Variants in UBB observed in about 807,000 individuals in gnomAD.
UBB encodes polyubiquitin-B.
In UBB, 11 loss-of-function variants were observed where a neutral mutation model predicts 12.5. The observed-to-expected ratio is 0.88, with a 90% CI of 0.55 to 1.45. UBB has a LOEUF of 1.45. Ranked by LOEUF, UBB falls within the 40% of genes most tolerant of loss-of-function variation. The pLI is 0.00. For missense variants in UBB, 76 were observed against 286.9 expected (o/e 0.26, Z 5.31); for synonymous variants, 168 against 120.1 (o/e 1.40, Z -2.61).
chr17:16,382,649 T>TATAG lies in UBB; in HGVS notation c.*53_*54insTAGA. ...CCAGTGATGGCATTACTCTGCACTA[T>TATAG]AGCCATTTGCCCCAACTTAAGTTTA... On this transcript the variant is annotated 3_prime_UTR_variant, in exon 2 of 2. Coordinates refer to ENST00000302182, the MANE Select transcript of UBB (RefSeq NM_018955.4). 2 of 1,594,414 alleles carry TATAG rather than the reference T, an allele frequency of 1.3e-6. No homozygotes were observed. The highest frequency in any genetic ancestry group is 1.7e-6 in the Non-Finnish European group (2 of 1,168,326).
At chr17:16,381,770 G>T in intron 1 of UBB, 132 bp from the exon 2 acceptor site, 1 of 1,191,484 alleles carries the variant, frequency 8.4e-7, no homozygotes, top group Non-Finnish European at 1.2e-6. Flanking sequence ...AAAATTGAGG[G>T]GAGGCTTGCG....
At chr17:16,381,696 G>A in intron 1 of UBB, 1 of 708,998 alleles carries the variant, frequency 1.4e-6, no homozygotes, top group Non-Finnish European at 2.3e-6. Flanking sequence ...GAGCGCTCTG[G>A]ATTTTCCGCT....
intron 1 of UBB, chr17:16,381,629 G>C: frequency 4.0e-6 from 2 of 500,132 alleles, no homozygotes; most frequent in East Asian, 7.6e-5. Flanking sequence ...GAGTTCGGTC[G>C]GGGGAGTTTG....
Position 16,382,426 on chromosome 17 carries a change from C to T in UBB, c.519C>T (p.Asp173=). 1.2e-5 allele frequency: 20 copies of T among 1,611,592 alleles called. No individual in the cohort carries two copies. Among genetic ancestry groups the T allele is most frequent in the Non-Finnish European group, 1.6e-5 (19 of 1,179,604 alleles). The change falls in exon 2 of 2, where the codon GAC becomes GAT. Residue 173 remains aspartate (D), a synonymous_variant. Coordinates refer to ENST00000302182, the MANE Select transcript of UBB (RefSeq NM_018955.4). ...KTITLEVEPS[D]TIENVKAKIQ... ...TCACTCTGGAGGTGGAGCCCAGTGA[C>T]ACCATCGAAAATGTGAAGGCCAAGA...
At chr17:16,381,833 A>T (rs2093276540) in intron 1 of UBB, 69 bp from the exon 2 acceptor site, 1 of 1,546,624 alleles carries the variant, frequency 6.5e-7, no homozygotes, top group Admixed American at 2.0e-5. Context: ...ATTTTGAAGA[A>T]TATTAGGTGT....
rs2142926019 is a variant in UBB at position 16,382,267 on chromosome 17, C to T, written c.360C>T (p.Ile120=). The T allele has an allele frequency of 6.2e-7, 1 of 1,610,176 alleles. No individual in the cohort carries two copies. The highest frequency in any genetic ancestry group is 8.5e-7 in the Non-Finnish European group (1 of 1,179,310). Residue 120 remains isoleucine (I), a synonymous_variant, in exon 2 of 2, where the codon ATC becomes ATT. Transcript: ENST00000302182. ...TCCCTCCCGACCAGCAGAGGCTCAT[C>T]TTTGCAGGCAAGCAGCTGGAAGATG... is the stretch of plus-strand genomic sequence containing the variant. ...EGIPPDQQRL[I]FAGKQLEDGR...
rs2093277010 is a variant in UBB, at chr17:16,381,924, A to G, written c.17A>G (p.Lys6Arg). 1 of 1,614,124 alleles carries G rather than the reference A, an allele frequency of 6.2e-7. No homozygotes were observed. The highest frequency in any genetic ancestry group is 1.3e-5 in the African/African-American group (1 of 74,942). MQIFV[K>R]TLTGKTITLE... ...TAGGTCAAAATGCAGATCTTCGTGA[A>G]AACCCTTACCGGCAAGACCATCACC... Residue 6 changes from lysine (K) to arginine (R), a missense_variant, in exon 2 of 2, where the codon AAA becomes AGA. Physicochemically the swap from Lys to Arg is conservative, Grantham distance 26. Transcript: ENST00000302182.
At position 16,382,447 on chromosome 17, in the gene UBB, C is replaced by T. The variant is rs1189927878; in HGVS notation, c.540C>T (p.Ala180=). 5 of 1,611,230 alleles carry T rather than the reference C, an allele frequency of 3.1e-6. No individual in the cohort carries two copies. The highest frequency in any genetic ancestry group is 1.4e-5 in the African/African-American group (1 of 73,976). The change falls in exon 2 of 2, where the codon GCC becomes GCT. Residue 180 remains alanine (A), a synonymous_variant. Coordinates refer to ENST00000302182, the MANE Select transcript of UBB (RefSeq NM_018955.4). The stretch of plus-strand genomic sequence containing the variant: ...GTGACACCATCGAAAATGTGAAGGC[C>T]AAGATCCAAGATAAAGAAGGCATCC... The part of the protein sequence containing the change: ...EPSDTIENVK[A]KIQDKEGIPP...
In UBB at chr17:16,381,123, T is replaced by A. The variant is rs1443131116; in HGVS notation, c.-68T>A. 4 of 150,520 alleles carry A rather than the reference T, an allele frequency of 2.7e-5. No individual in the cohort carries two copies. Among genetic ancestry groups the A allele is most frequent in the Non-Finnish European group, 4.4e-5 (3 of 67,716 alleles). The allele number at this position is 150,520 out of a possible 1,614,324, so 9.3% of individuals were successfully genotyped here. A position where few individuals can be genotyped will look rare whatever the true frequency, so the allele number is the denominator to read the frequency against. On this transcript the variant is annotated 5_prime_UTR_variant, in exon 1 of 2. Transcript: ENST00000302182. ...GGCGGTTGGCTTTGTTGGGTGAGCT[T>A]GTTTGTGTCCCTGTGGGTGGACGTG... is the stretch of plus-strand genomic sequence containing the variant.
upstream of UBB, chr17:16,380,866 T>C (rs543344736): frequency 6.5e-6 from 1 of 153,716 alleles, no homozygotes; most frequent in South Asian, 2.1e-4. Context: ...TCTTATATTT[T>C]CCTAAAGAAG....
chr17:16,382,348 G>T lies in UBB; in HGVS notation c.441G>T (p.Leu147=), dbSNP rs370468040. 6.2e-7 allele frequency: 1 copy of T among 1,604,542 alleles called. No homozygotes were observed. Among genetic ancestry groups the T allele is most frequent in the Admixed American group, 1.7e-5 (1 of 58,746 alleles). ...AGGAGTCGACCCTGCACCTGGTCCT[G>T]CGTCTGAGAGGTGGTATGCAGATCT... ...IQKESTLHLV[L]RLRGGMQIFV... Residue 147 remains leucine, a synonymous_variant, in exon 2 of 2, where the codon CTG becomes CTT. Transcript: ENST00000302182.
Position 16,381,111 on chromosome 17 carries a change from G to C in UBB, c.-80G>C, listed in dbSNP as rs1180191069. 1 of 152,710 alleles carries C rather than the reference G, an allele frequency of 6.5e-6. No homozygotes were observed. Among genetic ancestry groups the C allele is most frequent in the Non-Finnish European group, 1.5e-5 (1 of 68,126 alleles). 9.5% of individuals were successfully genotyped at this position (152,710 alleles called of 1,614,324 possible). ...GGAGCATTTAGGGGCGGTTGGCTTT[G>C]TTGGGTGAGCTTGTTTGTGTCCCTG... On this transcript the variant is annotated 5_prime_UTR_variant, in exon 1 of 2. Coordinates refer to ENST00000302182, the MANE Select transcript of UBB (RefSeq NM_018955.4).
upstream of UBB, chr17:16,380,931 G>A (rs2093272429): frequency 6.5e-6 from 1 of 153,694 alleles, no homozygotes; most frequent in Admixed American, 6.5e-5. Context: ...CTTTCTTACG[G>A]CTATGAGGAA....
rs2142924803 is a variant in UBB, at chr17:16,381,916, CT to C, written c.11del (p.Phe4SerfsTer2). 1 of 1,614,188 alleles carries C rather than the reference CT, an allele frequency of 6.2e-7. No homozygotes were observed. The highest frequency in any genetic ancestry group is 2.2e-5 in the East Asian group (1 of 44,892). MQI[F>X]VKTLTGKTIT... ...TTTTAAACTAGGTCAAAATGCAGAT[CT>C]TCGTGAAAACCCTTACCGGCAAGAC... On this transcript the variant is annotated frameshift_variant, in exon 2 of 2. Transcript: ENST00000302182. LOFTEE classifies it high-confidence loss of function.
chr17:16,381,790 C>T (rs374084685), intron 1 of UBB, 112 bp from the exon 2 acceptor site: 9 of 1,318,984 alleles, frequency 6.8e-6, no homozygotes, highest in Non-Finnish European at 8.2e-6. Flanking sequence ...GGAATATTAA[C>T]GTATTTAAGG....
chr17:16,381,787 T>C (rs1045607384), intron 1 of UBB, 115 bp from the exon 2 acceptor site: 85 of 1,307,482 alleles, frequency 6.5e-5, no homozygotes, highest in Non-Finnish European at 8.0e-5. Context: ...TGCGGAATAT[T>C]AACGTATTTA....
At chr17:16,381,019 A>T (rs2093272700), upstream of UBB, 1 of 153,302 alleles carries the variant, frequency 6.5e-6, no homozygotes, top group African/African-American at 2.4e-5. Flanking sequence ...GCGCACGGAG[A>T]CGGCGTCTAC....
At chr17:16,381,780 G>T in intron 1 of UBB, 122 bp from the exon 2 acceptor site, 1 of 1,270,142 alleles carries the variant, frequency 7.9e-7, no homozygotes, top group African/African-American at 1.5e-5. Flanking sequence ...GGAGGCTTGC[G>T]GAATATTAAC....
Position 16,382,392 on chromosome 17 carries a change from G to C in UBB, c.485G>C (p.Gly162Ala). ...CAGATCTTCGTGAAGACCCTGACCG[G>C]CAAGACCATCACTCTGGAGGTGGAG... ...GMQIFVKTLTGKTITLEVEPS... is the reference protein window; with the variant it reads ...GMQIFVKTLTAKTITLEVEPS... The change falls in exon 2 of 2, where the codon GGC becomes GCC. Residue 162 changes from glycine to alanine, a missense_variant. Transcript: ENST00000302182. 1 of 1,610,306 alleles carries C rather than the reference G, an allele frequency of 6.2e-7. No homozygotes were observed. Among genetic ancestry groups the C allele is most frequent in the Non-Finnish European group, 8.5e-7 (1 of 1,179,288 alleles).
Sources: allele counts gnomAD v4.1 joint callset, GRCh38; gene constraint gnomAD v4.1.1; transcripts MANE v1.5; gene names NCBI Gene and HGNC (gene_info 2026-07-23, HGNC 2026-07-21).